TSC22D1: variants seen among roughly 807,000 people sequenced by gnomAD.
TSC22D1 encodes the protein TSC22 domain family protein 1.
In TSC22D1, 9 loss-of-function variants were observed where a neutral mutation model predicts 74.2. The observed-to-expected ratio is 0.12, with a 90% CI of 0.07 to 0.21. The LOEUF (loss-of-function observed/expected upper bound fraction) is 0.21. Ranked by LOEUF, TSC22D1 falls within the 10% of genes least tolerant of loss-of-function variation. TSC22D1 has a pLI of 1.00. For synonymous variants in TSC22D1, 586 were observed against 492.5 expected (o/e 1.19, Z -2.51); for missense variants, 1,427 against 1,304.7 (o/e 1.09, Z -1.44).
intron 1 of TSC22D1, among the ~76,000 whole-genome samples, chr13:44,509,062 C>T (rs1167247458): frequency 2.0e-5 from 3 of 152,050 alleles, no homozygotes; most frequent in Non-Finnish European, 4.4e-5. Context: ...GAATGAAGAA[C>T]TCTGAATTAT....
chr13:44,536,012 T>A (rs886194578), intron 1 of TSC22D1, among the ~76,000 whole-genome samples: 1 of 152,072 alleles, frequency 6.6e-6, no homozygotes, highest in African/African-American at 2.4e-5. Context: ...ATATACTGTG[T>A]CTGTAAACCT....
chr13:44,453,787 A>G (rs1184140506), intron 1 of TSC22D1, among the ~76,000 whole-genome samples: 2 of 152,248 alleles, frequency 1.3e-5, no homozygotes, highest in African/African-American at 4.8e-5. Context: ...CAGACAATTT[A>G]TATCTAAAAT....
chr13:44,456,233 G>A (rs543351292), intron 1 of TSC22D1, among the ~76,000 whole-genome samples: 43 of 152,304 alleles, frequency 2.8e-4, no homozygotes, highest in African/African-American at 9.4e-4. Context: ...AAGCTTCCAC[G>A]GCGGAGAAGA....
chr13:44,475,715 T>A (rs1877873335), intron 1 of TSC22D1, among the ~76,000 whole-genome samples: 1 of 152,072 alleles, frequency 6.6e-6, no homozygotes, highest in Admixed American at 6.6e-5. Flanking sequence ...AGAAAAAATA[T>A]AACTTACTGA....
intron 1 of TSC22D1, chr13:44,538,836 TAGA>T (rs1881301341): frequency 1.0e-6 from 1 of 985,320 alleles, no homozygotes; most frequent in Admixed American, 6.2e-5. Flanking sequence ...AAGGCTCTGC[TAGA>T]AGAATTCCTT....
Position 44,489,378 on chromosome 13 carries a change from G to A in TSC22D1, c.2913-53283C>T, listed in dbSNP as rs189669910. ...ACAAAGTAAACTACATCAAAATTAG[G>A]AATTTATGATTATTAAAAGACATCA... On this transcript the variant is annotated intron_variant, in intron 1 of 2. Transcript: ENST00000458659. Among the ~76,000 whole-genome samples, 819 of 151,924 alleles carry A rather than the reference G, an allele frequency of 5.4e-3. 2 individuals are homozygous for A. Among genetic ancestry groups the A allele is most frequent in the Middle Eastern group, 0.01 (3 of 294 alleles).
chr13:44,450,459 T>C (rs1312031730), intron 1 of TSC22D1, among the ~76,000 whole-genome samples: 1 of 152,232 alleles, frequency 6.6e-6, no homozygotes, highest in Non-Finnish European at 1.5e-5. Context: ...AAGGTCACTC[T>C]GACCACAATG....
intron 1 of TSC22D1, among the ~76,000 whole-genome samples, chr13:44,568,246 A>G (rs1268823514): frequency 6.6e-6 from 1 of 152,196 alleles, no homozygotes; most frequent in Non-Finnish European, 1.5e-5. Context: ...TCCCAGAATA[A>G]TAGTTGTGTA....
rs1298469090 is a variant in TSC22D1, at chr13:44,551,389, G to GGTGGGTGTGTGTGTGTGTGT, written c.2912+21773_2912+21774insACACACACACACACACCCAC. On this transcript the variant is annotated intron_variant, in intron 1 of 2. Transcript: ENST00000458659. ...AAAAACCCAAAACCCCAATCAGATG[G>GGTGGGTGTGTGTGTGTGTGT]GTGTGTGTGTGTGTGTGTGTGTGTG... is the stretch of plus-strand genomic sequence containing the variant. 4.2e-4 allele frequency among the ~76,000 whole-genome samples: 53 copies of GGTGGGTGTGTGTGTGTGTGT among 125,304 alleles called. 1 individual carries two copies. Among genetic ancestry groups the GGTGGGTGTGTGTGTGTGTGT allele is most frequent in the African/African-American group, 1.6e-3 (51 of 32,102 alleles). 82.2% of individuals were successfully genotyped at this position (125,304 alleles called of 152,430 possible).
chr13:44,576,754 G>A (rs1469434615), upstream of TSC22D1, among the ~76,000 whole-genome samples: 1 of 151,188 alleles, frequency 6.6e-6, no homozygotes, highest in Non-Finnish European at 1.5e-5. Context: ...GCGGCGGCGA[G>A]GCGCCCGGTA....
In TSC22D1 at chr13:44,433,942, C is replaced by G; in HGVS notation, c.*684G>C. On this transcript the variant is annotated 3_prime_UTR_variant, in exon 3 of 3. Coordinates refer to ENST00000458659, the MANE Select transcript of TSC22D1 (RefSeq NM_183422.4). Reference sequence around the variant, plus strand: ...TACAACCTAAATAGTAGTTACAGTCCTCTATTGTACAAAATAGTTACACTA... The same window carrying G: ...TACAACCTAAATAGTAGTTACAGTCGTCTATTGTACAAAATAGTTACACTA... 1 of 1,510,350 alleles carries G rather than the reference C, an allele frequency of 6.6e-7. No individual in the cohort carries two copies. 93.6% of individuals were successfully genotyped at this position (1,510,350 alleles called of 1,614,324 possible). A position where few individuals can be genotyped will look rare whatever the true frequency, so the allele number is the denominator to read the frequency against.
In TSC22D1 at chr13:44,432,637, T is replaced by G. The variant is rs1365443844; in HGVS notation, c.*1989A>C. On this transcript the variant is annotated 3_prime_UTR_variant, in exon 3 of 3. Transcript: ENST00000458659. ...CTTTTTAGGGATCTTGGATGTCCCA[T>G]TCACCTCTCAATCTCCCACCAGCTC... The G allele has an allele frequency of 6.6e-6, 1 of 152,182 alleles. No individual in the cohort carries two copies. Among genetic ancestry groups the G allele is most frequent in the Admixed American group, 6.5e-5 (1 of 15,278 alleles). The allele number at this position is 152,182 out of a possible 1,614,324, so 9.4% of individuals were successfully genotyped here. A position where few individuals can be genotyped will look rare whatever the true frequency, so the allele number is the denominator to read the frequency against.
intron 1 of TSC22D1, chr13:44,437,317 C>CAATT: frequency 1.1e-6 from 1 of 949,476 alleles, no homozygotes; most frequent in Admixed American, 6.2e-5. Flanking sequence ...GTCTTGATTT[C>CAATT]AATTATCTAG....
chr13:44,543,945 T>C (rs1306462375), intron 1 of TSC22D1, among the ~76,000 whole-genome samples: 1 of 151,904 alleles, frequency 6.6e-6, no homozygotes, highest in African/African-American at 2.4e-5. Context: ...TACAAAAAAT[T>C]AGCTGGGCAT....
At chr13:44,558,655 A>C (rs1882844816) in intron 1 of TSC22D1, among the ~76,000 whole-genome samples, 1 of 152,054 alleles carries the variant, frequency 6.6e-6, no homozygotes, top group Non-Finnish European at 1.5e-5. Context: ...CAGAAGAATC[A>C]CTTGAACCCA....
chr13:44,552,918 G>A (rs568821589), intron 1 of TSC22D1, among the ~76,000 whole-genome samples: 94 of 152,302 alleles, frequency 6.2e-4, no homozygotes, highest in African/African-American at 2.1e-3. Context: ...AACCCGGAAG[G>A]CGAAGCTTGC....
At chr13:44,561,504 G>A (rs912084638) in intron 1 of TSC22D1, among the ~76,000 whole-genome samples, 5 of 152,154 alleles carry the variant, frequency 3.3e-5, no homozygotes, top group African/African-American at 4.8e-5. Context: ...AAGCCCATCT[G>A]ATACCAACTT....
At chr13:44,516,844 C>T (rs567249823) in intron 1 of TSC22D1, among the ~76,000 whole-genome samples, 1 of 152,318 alleles carries the variant, frequency 6.6e-6, no homozygotes, top group South Asian at 2.1e-4. Flanking sequence ...AGAAGCTTAT[C>T]AAAGCAGAAA....
chr13:44,539,259 T>C (rs906993139), intron 1 of TSC22D1: 21 of 985,348 alleles, frequency 2.1e-5, no homozygotes, highest in Non-Finnish European at 2.5e-5. Context: ...AGTAAAACCA[T>C]AATAGTACTA....
Sources: allele counts gnomAD v4.1 joint callset (sites outside exome capture counted in the v4.1 genomes callset), GRCh38; gene constraint gnomAD v4.1.1; transcripts MANE v1.5; gene names NCBI Gene and HGNC (gene_info 2026-07-23, HGNC 2026-07-21).